Variants in GRIN2C observed in about 807,000 individuals in gnomAD.
GRIN2C encodes the protein glutamate ionotropic receptor NMDA type subunit 2C.
In GRIN2C, 64 loss-of-function variants were observed where a neutral mutation model predicts 77.7. The observed-to-expected ratio is 0.82, with a 90% CI of 0.67 to 1.01. GRIN2C has a LOEUF of 1.01. GRIN2C is among the 50% of genes least tolerant of loss of function. GRIN2C has a pLI of 0.00. For synonymous variants in GRIN2C, 792 were observed against 643.4 expected, an observed-to-expected ratio of 1.23 and a Z score of -3.49; for missense variants, 1,549 against 1,486.0, an observed-to-expected ratio of 1.04 and a Z score of -0.70.
rs1380011679 is a variant in GRIN2C, at chr17:74,859,038, C to T, written c.-16+706G>A. Among the ~76,000 whole-genome samples the T allele has an allele frequency of 6.6e-6, 1 of 152,104 alleles. No homozygotes were observed. The highest frequency in any genetic ancestry group is 1.9e-4 in the East Asian group (1 of 5,150). ...CTGGCTTCCCCTCCTGGGTGGGGAG[C>T]TCTGTGTAGTGGTCCCCTCCACCCC... On this transcript the variant is annotated intron_variant, in intron 1 of 12. Coordinates refer to ENST00000293190, the MANE Select transcript of GRIN2C (RefSeq NM_000835.6). The surrounding 1 kb of genome is among the most constrained non-coding windows in gnomAD (Gnocchi z 5.9).
chr17:74,847,611 G>A lies in GRIN2C; in HGVS notation c.1772-74C>T, dbSNP rs532824486. 6.8e-5 allele frequency: 77 copies of A among 1,138,178 alleles called. No homozygotes were observed. Among genetic ancestry groups the A allele is most frequent in the South Asian group, 2.3e-4 (18 of 77,334 alleles). 70.5% of individuals were successfully genotyped at this position (1,138,178 alleles called of 1,614,324 possible). On this transcript the variant is annotated intron_variant, in intron 8 of 12. Transcript: ENST00000293190. This position sits in a 1 kb window ranked among gnomAD's most constrained non-coding sequence, Gnocchi z 5.2. ...AAAGGGCTCAGGGCTCAGCCCACCC[G>A]ACTGCACAGCTCCGGTCTCAGCCTG...
chr17:74,852,608 G>T lies in GRIN2C; in HGVS notation c.403C>A (p.Pro135Thr). Reference protein sequence around the residue: ...GSAVVLTPKEPGSAFLQLGVS... With the variant: ...GSAVVLTPKETGSAFLQLGVS... ...CCCAGCTGCAGGAAGGCGGAGCCCG[G>T]CTCCTGGGGGCGGGCGGGGCCTGAG... The change falls in exon 3 of 13, where the codon CCG (proline) becomes ACG (threonine). Residue 135 changes from proline to threonine, a missense_variant. This residue lies in a region of GRIN2C where 382 missense variants were observed against 360.0 expected (regional missense o/e 1.06). Coordinates refer to ENST00000293190, the MANE Select transcript of GRIN2C (RefSeq NM_000835.6). 8.1e-7 allele frequency: 1 copy of T among 1,237,760 alleles called. No individual in the cohort carries two copies. Among genetic ancestry groups the T allele is most frequent in the Non-Finnish European group, 1.0e-6 (1 of 992,404 alleles). The allele number at this position is 1,237,760 out of a possible 1,614,324, so 76.7% of individuals were successfully genotyped here.
At chr17:74,851,824 C>T (rs578179027) in intron 3 of GRIN2C, 133 bp from the exon 4 acceptor site, 3 of 702,654 alleles carry the variant, frequency 4.3e-6, no homozygotes, top group South Asian at 1.8e-5. Flanking sequence ...ATTGGCCCCA[C>T]GATCCTTGCC....
rs1163663465 is a variant in GRIN2C at position 74,849,218 on chromosome 17, C to T, written c.1645+562G>A. Among the ~76,000 whole-genome samples, 5 of 152,046 alleles carry T rather than the reference C, an allele frequency of 3.3e-5. No individual in the cohort carries two copies. The East Asian group carries it at 9.6e-4, about 29-fold the overall frequency. On this transcript the variant is annotated intron_variant, in intron 7 of 12. Coordinates refer to ENST00000293190, the MANE Select transcript of GRIN2C (RefSeq NM_000835.6). The surrounding 1 kb of genome is among the most constrained non-coding windows in gnomAD (Gnocchi z 4.6). ...GCAGGACAGGGCAGAGCCGGGGTTT[C>T]CACTCCTGTCTGGCCAGCCTCAGCT...
chr17:74,846,416 A>G lies in GRIN2C; in HGVS notation c.2163-163T>C, dbSNP rs1013571738. ...GTTCTCTTGGGTCCTGGATGGGGTG[A>G]GGACCCCTCCCACCCTCCTCTGCAG... On this transcript the variant is annotated intron_variant, in intron 10 of 12. Coordinates refer to ENST00000293190, the MANE Select transcript of GRIN2C (RefSeq NM_000835.6). The surrounding 1 kb of genome is among the most constrained non-coding windows in gnomAD (Gnocchi z 4.4). Among the ~76,000 whole-genome samples, 1 of 152,146 alleles carries G rather than the reference A, an allele frequency of 6.6e-6. No homozygotes were observed. The highest frequency in any genetic ancestry group is 2.4e-5 in the African/African-American group (1 of 41,430).
At position 74,850,745 on chromosome 17, in the gene GRIN2C, A is replaced by AC. The variant is rs748278047; in HGVS notation, c.1135dup (p.Val379GlyfsTer42). On this transcript the variant is annotated frameshift_variant, in exon 5 of 13. Coordinates refer to ENST00000293190, the MANE Select transcript of GRIN2C (RefSeq NM_000835.6). LOFTEE classifies it high-confidence loss of function. The surrounding 1 kb of genome is among the most constrained non-coding windows in gnomAD (Gnocchi z 5.3). ...CCACACGGGGTACTTCATGTATAGG[A>AC]CGCCATGCTCCCAGCGCCCCACCTG... 3 of 1,612,764 alleles carry AC rather than the reference A, an allele frequency of 1.9e-6. No individual in the cohort carries two copies. Among genetic ancestry groups the AC allele is most frequent in the Non-Finnish European group, 2.5e-6 (3 of 1,179,834 alleles).
Position 74,849,892 on chromosome 17 carries a change from G to A in GRIN2C, c.1533C>T (p.Thr511=), listed in dbSNP as rs2037579109. Residue 511 remains threonine, a synonymous_variant, in exon 7 of 13, where the codon ACC becomes ACT. Transcript: ENST00000293190. The surrounding 1 kb of genome is among the most constrained non-coding windows in gnomAD (Gnocchi z 4.6). ...KRADMAIGSL[T]INEERSEIVD... Reference sequence around the variant, plus strand: ...CGATCTCGGAGCGTTCCTCATTGATGGTGAGGGAGCCGATGGCCATGTCTG... The same window carrying A: ...CGATCTCGGAGCGTTCCTCATTGATAGTGAGGGAGCCGATGGCCATGTCTG... 1 of 1,613,510 alleles carries A rather than the reference G, an allele frequency of 6.2e-7. No homozygotes were observed. Among genetic ancestry groups the A allele is most frequent in the Non-Finnish European group, 8.5e-7 (1 of 1,179,668 alleles).
chr17:74,852,674 G>T (rs1307490856), intron 2 of GRIN2C, 63 bp from the exon 3 acceptor site: 1 of 648,664 alleles, frequency 1.5e-6, no homozygotes, highest in Non-Finnish European at 2.1e-6. Flanking sequence ...CCCCTTCCCC[G>T]ACCTCGGCCC....
rs749137561 is a variant in GRIN2C, at chr17:74,844,373, G to A, written c.2486C>T (p.Ala829Val). 3 of 1,614,168 alleles carry A rather than the reference G, an allele frequency of 1.9e-6. No homozygotes were observed. The highest frequency in any genetic ancestry group is 2.2e-5 in the East Asian group (1 of 44,884). Residue 829 changes from alanine to valine, a missense_variant, in exon 12 of 13, where the codon GCC (alanine) becomes GTC (valine). Physicochemically the swap from Ala to Val is moderately conservative, Grantham distance 64. Transcript: ENST00000293190. ...FYMLLVAMGL[A>V]LLVFAWEHLV... is the part of the protein sequence containing the mutation. ...GTGCTCCCAGGCGAAGACCAGCAGG[G>A]CCAGCCCCATGGCCACCAGCAGCAT...
In GRIN2C at chr17:74,847,255, C is replaced by T. The variant is rs1263642346; in HGVS notation, c.2001+53G>A. 1.9e-6 allele frequency: 2 copies of T among 1,060,538 alleles called. No homozygotes were observed. The highest frequency in any genetic ancestry group is 3.2e-5 in the African/African-American group (2 of 63,076). The allele number at this position is 1,060,538 out of a possible 1,614,324, so 65.7% of individuals were successfully genotyped here. A position where few individuals can be genotyped will look rare whatever the true frequency, so the allele number is the denominator to read the frequency against. Reference sequence around the variant, plus strand: ...TGTCCAGGGCCTGCCCACTCACGGCCTGTCCCCACCCTCAGTGCCCCCCCC... The same window carrying T: ...TGTCCAGGGCCTGCCCACTCACGGCTTGTCCCCACCCTCAGTGCCCCCCCC... On this transcript the variant is annotated intron_variant, in intron 9 of 12. Transcript: ENST00000293190. This position sits in a 1 kb window ranked among gnomAD's most constrained non-coding sequence, Gnocchi z 5.2.
In GRIN2C at chr17:74,852,319, T is replaced by C; in HGVS notation, c.692A>G (p.Glu231Gly). ...APVFVAYCSREEAEVLFAEAA... is the reference protein window; with the variant it reads ...APVFVAYCSRGEAEVLFAEAA... ...CTCGGCGAAGAGCACCTCGGCCTCCTCGCGCGAGCAGTAGGCCACAAACAC... is the reference window on the plus strand; with the variant it reads ...CTCGGCGAAGAGCACCTCGGCCTCCCCGCGCGAGCAGTAGGCCACAAACAC... The change falls in exon 3 of 13, where the codon GAG (glutamate) becomes GGG (glycine). Residue 231 changes from glutamate to glycine, a missense_variant. Transcript: ENST00000293190. The C allele has an allele frequency of 6.9e-7, 1 of 1,451,262 alleles. No homozygotes were observed. The highest frequency in any genetic ancestry group is 9.0e-7 in the Non-Finnish European group (1 of 1,109,158). 89.9% of individuals were successfully genotyped at this position (1,451,262 alleles called of 1,614,324 possible). A position where few individuals can be genotyped will look rare whatever the true frequency, so the allele number is the denominator to read the frequency against.
chr17:74,860,610 C>T, upstream of GRIN2C: 1 of 418,430 alleles, frequency 2.4e-6, no homozygotes, highest in Admixed American at 2.6e-5. Context: ...CAGAGACCGG[C>T]GCAGGCGGCT....
In GRIN2C at chr17:74,849,156, G is replaced by T. The variant is rs1028266874; in HGVS notation, c.1645+624C>A. Among the ~76,000 whole-genome samples the T allele has an allele frequency of 1.1e-4, 17 of 151,634 alleles. No individual in the cohort carries two copies. Among genetic ancestry groups the T allele is most frequent in the Middle Eastern group, 3.2e-3 (1 of 314 alleles). The stretch of plus-strand genomic sequence containing the variant: ...CCTCTCTTCCGTGGCTGAGGAGCCT[G>T]CTCAGAGAGGTTCTGTGACTTGCCC... On this transcript the variant is annotated intron_variant, in intron 7 of 12. Transcript: ENST00000293190. The surrounding 1 kb of genome is among the most constrained non-coding windows in gnomAD (Gnocchi z 4.6).
chr17:74,844,985 G>A (rs1388136476), intron 11 of GRIN2C, among the ~76,000 whole-genome samples: 4 of 152,024 alleles, frequency 2.6e-5, no homozygotes, highest in African/African-American at 9.7e-5. Context: ...AGGCTGGGGT[G>A]CAGTGGTGTG....
intron 1 of GRIN2C, among the ~76,000 whole-genome samples, chr17:74,855,779 C>T (rs1161446876): frequency 6.6e-6 from 1 of 152,028 alleles, no homozygotes; most frequent in African/African-American, 2.4e-5. Context: ...GGTCAGTGTG[C>T]CCTGCTTGCC....
Position 74,843,157 on chromosome 17 carries a change from C to T in GRIN2C, c.2980G>A (p.Val994Met). 2.4e-6 allele frequency: 1 copy of T among 412,768 alleles called. No homozygotes were observed. The highest frequency in any genetic ancestry group is 3.6e-5 in the East Asian group (1 of 27,618). The allele number at this position is 412,768 out of a possible 1,614,324, so 25.6% of individuals were successfully genotyped here. Reference protein sequence around the residue: ...PGPPLSDVSRVSRRPAWEARW... With the variant: ...PGPPLSDVSRMSRRPAWEARW... ...GCCTCCCAGGCTGGGCGGCGCGACA[C>T]TCGGGAGACGTCGGACAGGGGCGGC... The change falls in exon 13 of 13, where the codon GTG (valine) becomes ATG (methionine). Residue 994 changes from valine to methionine, a missense_variant. By Grantham distance (21) the Val-to-Met change is conservative (BLOSUM62 1). Around this residue, in one of 3 missense-constraint regions of GRIN2C, gnomAD observed 450 missense variants for 267.9 expected, o/e 1.68. Transcript: ENST00000293190.
intron 3 of GRIN2C, 50 bp downstream of exon 3, chr17:74,851,963 C>G: frequency 7.2e-7 from 1 of 1,392,022 alleles, no homozygotes; most frequent in Non-Finnish European, 9.6e-7. Flanking sequence ...AGCCAGCTCC[C>G]CCGAAGCGCT....
At position 74,846,100 on chromosome 17, in the gene GRIN2C, G is replaced by A. The variant is rs764630603; in HGVS notation, c.2316C>T (p.Ala772=). Residue 772 remains alanine (A), a synonymous_variant, in exon 11 of 13, where the codon GCC becomes GCT. Coordinates refer to ENST00000293190, the MANE Select transcript of GRIN2C (RefSeq NM_000835.6). This position sits in a 1 kb window ranked among gnomAD's most constrained non-coding sequence, Gnocchi z 4.4. The part of the protein sequence containing the change: ...AMQKDSHWKR[A]IDLALLQFLG... ...GGAACTGCAAGAGCGCCAGGTCTAT[G>A]GCCCGCTTCCAGTGGGAGTCCTTCT... 2 of 1,614,086 alleles carry A rather than the reference G, an allele frequency of 1.2e-6. No individual in the cohort carries two copies. The highest frequency in any genetic ancestry group is 1.7e-6 in the Non-Finnish European group (2 of 1,180,020).
Position 74,854,830 on chromosome 17 carries a change from GCAGCAC to G in GRIN2C, c.257_262del (p.Gly86_Ala87del). The G allele has an allele frequency of 6.2e-7, 1 of 1,614,040 alleles. No individual in the cohort carries two copies. Among genetic ancestry groups the G allele is most frequent in the Non-Finnish European group, 8.5e-7 (1 of 1,179,918 alleles). ...CTCAAAGACAATGCCGTGGACGTGG[GCAGCAC>G]CCAGGAGGCCGCAGATCTGGGTGAG... On this transcript the variant is annotated inframe_deletion, in exon 2 of 13. Coordinates refer to ENST00000293190, the MANE Select transcript of GRIN2C (RefSeq NM_000835.6).
Sources: allele counts gnomAD v4.1 joint callset (sites outside exome capture counted in the v4.1 genomes callset), GRCh38; gene constraint gnomAD v4.1.1; regional missense constraint gnomAD v4.1.1; non-coding constraint Gnocchi (gnomAD v3.1); transcripts MANE v1.5; gene names NCBI Gene and HGNC (gene_info 2026-07-23, HGNC 2026-07-21).